PHKA2: variants seen among roughly 807,000 people sequenced by gnomAD.
PHKA2 encodes phosphorylase kinase regulatory subunit alpha 2.
In PHKA2, 31 loss-of-function variants were observed where a neutral mutation model predicts 102.0. That is an observed-to-expected ratio of 0.30 (90% CI 0.23 to 0.41). PHKA2 has a LOEUF of 0.41. Among genes scored for constraint, PHKA2 ranks in the 10% least tolerant of loss-of-function variants. PHKA2 has a pLI of 1.00. For synonymous variants in PHKA2, 455 were observed against 416.2 expected (o/e 1.09, Z -1.13); for missense variants, 858 against 1,023.1 (o/e 0.84, Z 2.20).
chrX:18,980,175 G>A (rs1342590234), intron 1 of PHKA2, among the ~76,000 whole-genome samples: 2 of 112,951 alleles, frequency 1.8e-5, no homozygotes, highest in Non-Finnish European at 3.7e-5. Flanking sequence ...ATGCACTGCG[G>A]AAAGCCGCAG....
intron 32 of PHKA2, chrX:18,893,996 C>G (rs991874438): frequency 3.0e-5 from 14 of 471,274 alleles, no homozygotes; most frequent in African/African-American, 2.4e-4. Flanking sequence ...GGACGAAAAC[C>G]TGCATTGAGA....
intron 25 of PHKA2, 48 bp downstream of exon 25, chrX:18,906,447 G>A: frequency 8.3e-7 from 1 of 1,205,996 alleles, no homozygotes. Flanking sequence ...GTGGCCGGGT[G>A]GTTGGGGTGG....
chrX:18,903,738 G>A (rs780568726), intron 26 of PHKA2, among the ~76,000 whole-genome samples: 65 of 111,977 alleles, frequency 5.8e-4, no homozygotes, highest in African/African-American at 1.8e-3. Context: ...CCAACCTATC[G>A]CACCAGCCTC....
rs1038143123 is a variant in PHKA2, at chrX:18,893,555, G to T, written c.3638C>A (p.Thr1213Asn). The part of the protein sequence containing the change: ...SAPSGAYGTM[T>N]YLTRAVASYL... The stretch of plus-strand genomic sequence containing the variant: ...AGAAGCCACTGCTCTTGTTAGGTAG[G>T]TCATCGTCCCATAAGCCCCACTCGG... The change falls in exon 33 of 33, where the codon ACC becomes AAC. Residue 1213 changes from threonine (T) to asparagine (N), a missense_variant. Thr to Asn is a moderately conservative substitution (Grantham distance 65). Transcript: ENST00000379942. The T allele has an allele frequency of 1.7e-6, 2 of 1,211,390 alleles. No homozygotes were observed. Among genetic ancestry groups the T allele is most frequent in the South Asian group, 1.8e-5 (1 of 56,996 alleles).
At chrX:18,925,474 T>C in intron 15 of PHKA2, among the ~76,000 whole-genome samples, 194 bp downstream of exon 15, 1 of 112,169 alleles carries the variant, frequency 8.9e-6, no homozygotes, top group East Asian at 2.8e-4. Flanking sequence ...TGACTGGAAG[T>C]GATGGCACGC....
chrX:18,979,693 A>G (rs1372495033), intron 1 of PHKA2, among the ~76,000 whole-genome samples: 1 of 112,138 alleles, frequency 8.9e-6, no homozygotes, highest in African/African-American at 3.2e-5. Context: ...AATATTTAGC[A>G]GCAAGTATAT....
intron 18 of PHKA2, among the ~76,000 whole-genome samples, 159 bp from the exon 19 acceptor site, chrX:18,919,013 G>A (rs1164171996): frequency 2.7e-5 from 3 of 111,573 alleles, no homozygotes; most frequent in African/African-American, 6.5e-5. Context: ...TGAAGAGTAA[G>A]AAGAGATTTA....
chrX:18,977,111 C>T (rs926423499), intron 1 of PHKA2, among the ~76,000 whole-genome samples: 3 of 112,248 alleles, frequency 2.7e-5, no homozygotes, highest in African/African-American at 9.7e-5. Flanking sequence ...TCATTCAGTT[C>T]TAACTCTTTC....
intron 1 of PHKA2, among the ~76,000 whole-genome samples, chrX:18,966,082 T>G (rs2048937531): frequency 1.1e-5 from 1 of 93,100 alleles, no homozygotes; most frequent in African/African-American, 4.3e-5. Context: ...GGCTCTTTTG[T>G]TTTTTTTTTG....
chrX:18,896,278 T>A (rs1262403254), intron 30 of PHKA2: 1 of 111,914 alleles, frequency 8.9e-6, no homozygotes, highest in African/African-American at 3.3e-5. Flanking sequence ...GGGAGCTGCA[T>A]AAACTCTCTC....
At chrX:18,949,278 G>GA (rs1233848713) in intron 4 of PHKA2, among the ~76,000 whole-genome samples, 1 of 111,673 alleles carries the variant, frequency 9.0e-6, no homozygotes, top group Non-Finnish European at 1.9e-5. Context: ...CCACCCTGCA[G>GA]AAAAATATAG....
intron 1 of PHKA2, among the ~76,000 whole-genome samples, chrX:18,965,355 T>C (rs1026609466): frequency 8.9e-6 from 1 of 111,965 alleles, no homozygotes; most frequent in Non-Finnish European, 1.9e-5. Context: ...ACCTGAAATA[T>C]TAAGTACTGG....
At position 18,893,403 on chromosome X, in the gene PHKA2, G is replaced by A; in HGVS notation, c.*82C>T. The A allele has an allele frequency of 2.1e-6, 2 of 963,232 alleles. No homozygotes were observed. The highest frequency in any genetic ancestry group is 1.9e-5 in the African/African-American group (1 of 52,727). 79.4% of individuals were successfully genotyped at this position (963,232 alleles called of 1,213,427 possible). On this transcript the variant is annotated 3_prime_UTR_variant, in exon 33 of 33. Coordinates refer to ENST00000379942, the MANE Select transcript of PHKA2 (RefSeq NM_000292.3). Reference sequence around the variant, plus strand: ...GACATGCTTTCCTGATAGCACAGGGGATCTTGGGGGACAGAAGGTTCCCAG... The same window carrying A: ...GACATGCTTTCCTGATAGCACAGGGAATCTTGGGGGACAGAAGGTTCCCAG...
At chrX:18,905,724 T>G (rs762146688) in intron 26 of PHKA2, 34 bp downstream of exon 26, 2 of 948,880 alleles carry the variant, frequency 2.1e-6, no homozygotes, top group Non-Finnish European at 3.0e-6. Context: ...AGGAGGCAGC[T>G]CCCTGAAGAC....
chrX:18,958,856 C>T (rs1272469133), intron 1 of PHKA2, among the ~76,000 whole-genome samples: 2 of 111,242 alleles, frequency 1.8e-5, no homozygotes, highest in African/African-American at 6.5e-5. Context: ...ATTACAGGCA[C>T]ATGCCACCAC....
intron 1 of PHKA2, among the ~76,000 whole-genome samples, chrX:18,965,356 T>C (rs1445378979): frequency 8.9e-6 from 1 of 111,960 alleles, no homozygotes; most frequent in Middle Eastern, 4.2e-3. Context: ...CCTGAAATAT[T>C]AAGTACTGGT....
Position 18,894,222 on chromosome X carries a change from C to T in PHKA2, c.3519G>A (p.Gln1173=), listed in dbSNP as rs909062578. 1 of 1,211,608 alleles carries T rather than the reference C, an allele frequency of 8.3e-7. No individual in the cohort carries two copies. Residue 1173 remains glutamine (Q), a synonymous_variant, in exon 32 of 33, where the codon CAG becomes CAA. Transcript: ENST00000379942. ...HVDQIVQMAS[Q]LFLQDQVSIG... is the part of the protein sequence containing the mutation. Reference sequence around the variant, plus strand: ...CCCCCACCTGGTCCTGCAAGAACAGCTGACTGGCCATCTGCACGATCTGGT... The same window carrying T: ...CCCCCACCTGGTCCTGCAAGAACAGTTGACTGGCCATCTGCACGATCTGGT...
intron 20 of PHKA2, among the ~76,000 whole-genome samples, chrX:18,910,471 T>A (rs2047903706): frequency 9.0e-6 from 1 of 111,558 alleles, no homozygotes. Context: ...AGAGCGAGAC[T>A]CTAAGAAAAA....
chrX:18,894,442 A>G, intron 31 of PHKA2, 38 bp from the exon 32 acceptor site: 12 of 1,090,277 alleles, frequency 1.1e-5, no homozygotes, highest in Non-Finnish European at 1.5e-5. Flanking sequence ...CAGTGAGAGG[A>G]CAGATGCAGC....
Sources: gnomAD v4.1 joint callset for allele counts (sites outside exome capture counted in the v4.1 genomes callset) on GRCh38, gnomAD v4.1.1 for gene constraint, MANE v1.5 for transcripts, NCBI Gene and HGNC (gene_info 2026-07-23, HGNC 2026-07-21) for gene names.